The following SKAP2 variants were observed in gnomAD, a reference collection of about 807,000 sequenced individuals.
SKAP2 encodes the protein src kinase associated phosphoprotein 2, also known as src kinase-associated phosphoprotein 2.
Under a neutral mutation model 54.9 loss-of-function variants are expected in SKAP2, and 28 were observed. That is an observed-to-expected ratio of 0.51 (90% confidence interval 0.38 to 0.70). SKAP2 has a LOEUF of 0.70. SKAP2 is among the 30% of genes least tolerant of loss of function. The probability of loss-of-function intolerance (pLI) is 0.00; values close to 1 mark genes in which losing one functional copy is unlikely to be tolerated. For synonymous variants in SKAP2, 137 were observed against 134.3 expected, an observed-to-expected ratio of 1.02 and a Z score of -0.14; for missense variants, 356 against 424.1, an observed-to-expected ratio of 0.84 and a Z score of 1.41.
intron 4 of SKAP2, among the ~76,000 whole-genome samples, chr7:26,802,160 G>A (rs1386457761): frequency 1.3e-5 from 2 of 151,752 alleles, no homozygotes; most frequent in Admixed American, 6.6e-5. Context: ...CAGACACATA[G>A]ACCAATGGAA....
Position 26,747,531 on chromosome 7 carries a change from T to C in SKAP2, c.308-7567A>G, listed in dbSNP as rs1782583366. On this transcript the variant is annotated intron_variant, in intron 4 of 12. Coordinates refer to ENST00000345317, the MANE Select transcript of SKAP2 (RefSeq NM_003930.5). ...GGAATAACCATGAGGATAATTCAAA[T>C]TTGCCTTTATTAACTCTAAAGGAGT... Among the ~76,000 whole-genome samples, 4 of 151,948 alleles carry C rather than the reference T, an allele frequency of 2.6e-5. No individual in the cohort carries two copies. The South Asian group carries it at 8.3e-4, about 32-fold the overall frequency.
chr7:26,762,020 A>G (rs1055660179), intron 4 of SKAP2, among the ~76,000 whole-genome samples: 15 of 152,332 alleles, frequency 9.8e-5, no homozygotes, highest in Non-Finnish European at 2.1e-4. Flanking sequence ...TTTGAACCAT[A>G]AAAATAACTT....
chr7:26,767,037 G>A (rs145835517), intron 4 of SKAP2, among the ~76,000 whole-genome samples: 1,787 of 152,196 alleles, frequency 0.012, 34 homozygotes, highest in African/African-American at 0.041. Flanking sequence ...AGTTTCAGAA[G>A]GAATAGTACC....
intron 4 of SKAP2, among the ~76,000 whole-genome samples, chr7:26,758,243 A>G (rs1782843013): frequency 6.7e-6 from 1 of 149,344 alleles, no homozygotes; most frequent in Admixed American, 6.6e-5. Flanking sequence ...ACTTCGTTAT[A>G]AGCATGTACT....
chr7:26,724,865 G>T (rs143475739), intron 9 of SKAP2, among the ~76,000 whole-genome samples: 31 of 152,154 alleles, frequency 2.0e-4, no homozygotes, highest in African/African-American at 7.2e-4. Context: ...TGAGCATTTG[G>T]AATAAGAAAA....
chr7:26,732,775 A>G (rs1485888130), intron 6 of SKAP2, among the ~76,000 whole-genome samples: 1 of 152,214 alleles, frequency 6.6e-6, no homozygotes, highest in Non-Finnish European at 1.5e-5. Context: ...CCAATGCTAA[A>G]TCAGCCACTT....
intron 11 of SKAP2, among the ~76,000 whole-genome samples, chr7:26,678,199 C>G (rs1047515898): frequency 6.6e-6 from 1 of 152,114 alleles, no homozygotes; most frequent in African/African-American, 2.4e-5. Context: ...GTACCTAGAA[C>G]AGGACATTGT....
chr7:26,810,975 C>G (rs933785433), intron 4 of SKAP2, among the ~76,000 whole-genome samples: 2 of 152,106 alleles, frequency 1.3e-5, no homozygotes, highest in South Asian at 4.1e-4. Flanking sequence ...CCACCACCCC[C>G]AGCCCTATAT....
chr7:26,837,181 G>C (rs189579733), intron 4 of SKAP2, among the ~76,000 whole-genome samples: 131 of 152,212 alleles, frequency 8.6e-4, no homozygotes, highest in Admixed American at 9.8e-4. Context: ...ACCATGGCCT[G>C]TCAGGGGGTT....
intron 4 of SKAP2, among the ~76,000 whole-genome samples, chr7:26,834,691 A>T (rs1192577537): frequency 6.6e-6 from 1 of 152,200 alleles, no homozygotes; most frequent in Admixed American, 6.5e-5. Context: ...TCTGAAATTG[A>T]GGCAGTAATT....
chr7:26,704,437 T>C (rs1787113835), intron 9 of SKAP2, among the ~76,000 whole-genome samples: 1 of 152,218 alleles, frequency 6.6e-6, no homozygotes, highest in Non-Finnish European at 1.5e-5. Context: ...TTACCAGATA[T>C]GACTGCAGTA....
chr7:26,717,764 A>G (rs865994789), intron 9 of SKAP2, among the ~76,000 whole-genome samples: 4 of 151,226 alleles, frequency 2.6e-5, no homozygotes, highest in African/African-American at 7.3e-5. Context: ...CCTCGGGGGT[A>G]GAGGTTGCAG....
At chr7:26,672,605 T>C (rs1786267410) in intron 11 of SKAP2, among the ~76,000 whole-genome samples, 1 of 152,062 alleles carries the variant, frequency 6.6e-6, no homozygotes, top group Non-Finnish European at 1.5e-5. Context: ...AAAACCAGAA[T>C]ATTACCTTAT....
intron 4 of SKAP2, among the ~76,000 whole-genome samples, chr7:26,758,401 G>A (rs1181612716): frequency 6.6e-6 from 1 of 152,052 alleles, no homozygotes; most frequent in Non-Finnish European, 1.5e-5. Context: ...ATCAATACAA[G>A]TATAGTTTTA....
chr7:26,733,853 A>T (rs1787870339), intron 6 of SKAP2, among the ~76,000 whole-genome samples: 1 of 152,200 alleles, frequency 6.6e-6, no homozygotes, highest in East Asian at 1.9e-4. Flanking sequence ...TGTAGCTCCC[A>T]TTTACTAGAC....
the SKAP2 span, among the ~76,000 whole-genome samples, chr7:26,660,102 T>C: frequency 6.6e-6 from 1 of 152,100 alleles, no homozygotes; most frequent in South Asian, 2.1e-4. Flanking sequence ...TCAAACCAGA[T>C]TAATGGATTA....
chr7:26,843,516 C>T (rs907000950), intron 4 of SKAP2, among the ~76,000 whole-genome samples: 1 of 151,874 alleles, frequency 6.6e-6, no homozygotes, highest in South Asian at 2.1e-4. Flanking sequence ...ATAATATGGT[C>T]CACTTTTAAG....
chr7:26,656,164 G>A, the SKAP2 span, among the ~76,000 whole-genome samples: 6 of 152,146 alleles, frequency 3.9e-5, no homozygotes, highest in Non-Finnish European at 7.4e-5. Context: ...TTACAGAACA[G>A]GGTCAGGCCA....
chr7:26,804,063 G>T (rs1783971151), intron 4 of SKAP2, among the ~76,000 whole-genome samples: 1 of 152,146 alleles, frequency 6.6e-6, no homozygotes, highest in East Asian at 1.9e-4. Flanking sequence ...ACAATAGGGT[G>T]ATTATAGTCA....
Sources: gnomAD v4.1 joint callset for allele counts (sites outside exome capture counted in the v4.1 genomes callset) on GRCh38, gnomAD v4.1.1 for gene constraint, MANE v1.5 for transcripts, NCBI Gene and HGNC (gene_info 2026-07-23, HGNC 2026-07-21) for gene names.